NDST3: variants seen among roughly 807,000 people sequenced by gnomAD.
The protein encoded by NDST3 is bifunctional heparan sulfate N-deacetylase/N-sulfotransferase 3.
In NDST3, 58 loss-of-function variants were observed where a neutral mutation model predicts 96.1. The ratio of observed to expected loss-of-function variants is 0.60; its 90% confidence interval spans 0.49 to 0.75. The LOEUF (loss-of-function observed/expected upper bound fraction) is 0.75, where lower values mean the gene tolerates loss of function less well. NDST3 is among the 30% of genes least tolerant of loss of function. NDST3 has a pLI of 0.00. For missense variants in NDST3, 788 were observed against 1,034.2 expected, an observed-to-expected ratio of 0.76 and a Z score of 3.27; for synonymous variants, 333 against 359.7, an observed-to-expected ratio of 0.93 and a Z score of 0.84.
rs150728350 is a variant in NDST3, at chr4:118,238,112, T to C, written c.2118+892T>C. On this transcript the variant is annotated intron_variant, in intron 10 of 13. Transcript: ENST00000296499. ...GCATGTACTGTGCAGAGGGAGACTC[T>C]GTCAAAAGAAGAGAGAGAGAGAGAG... Among the ~76,000 whole-genome samples the C allele has an allele frequency of 2.4e-3, 312 of 129,936 alleles. 1 individual carries two copies. The Middle Eastern group carries it at 0.025, about 11-fold the overall frequency. The allele number at this position is 129,936 out of a possible 152,430, so 85.2% of individuals were successfully genotyped here.
rs566103491 is a variant in NDST3 at position 118,064,860 on chromosome 4, C to G, written c.981+9969C>G. Among the ~76,000 whole-genome samples the G allele has an allele frequency of 1.0e-3, 154 of 152,240 alleles. 1 individual carries two copies. Among genetic ancestry groups the G allele is most frequent in the Non-Finnish European group, 1.7e-3 (113 of 68,030 alleles). The stretch of plus-strand genomic sequence containing the variant: ...CTTTCTGGAGGCTCTAGGGGAGAAC[C>G]CATCACCTTGCTTTTTCCATCTTCT... On this transcript the variant is annotated intron_variant, in intron 2 of 13. Coordinates refer to ENST00000296499, the MANE Select transcript of NDST3 (RefSeq NM_004784.3).
chr4:118,085,138 A>AACG (rs2125823152), intron 2 of NDST3, among the ~76,000 whole-genome samples: 1 of 151,758 alleles, frequency 6.6e-6, no homozygotes, highest in Admixed American at 6.6e-5. Flanking sequence ...CAACAACAAC[A>AACG]ACAACTGGAA....
intron 2 of NDST3, among the ~76,000 whole-genome samples, chr4:118,085,601 T>C (rs1045003894): frequency 2.6e-5 from 4 of 152,206 alleles, no homozygotes; most frequent in Non-Finnish European, 5.9e-5. Context: ...CTCCAACCCT[T>C]GTTCAAGTTG....
chr4:118,189,199 G>A (rs1030641471), intron 6 of NDST3, among the ~76,000 whole-genome samples: 3 of 151,982 alleles, frequency 2.0e-5, no homozygotes, highest in Non-Finnish European at 4.4e-5. Flanking sequence ...ACAGGTACAC[G>A]CCAGCATGCC....
chr4:118,238,148 A>G (rs1221587106), intron 10 of NDST3, among the ~76,000 whole-genome samples: 10 of 69,926 alleles, frequency 1.4e-4, no homozygotes, highest in Non-Finnish European at 2.3e-4. Context: ...AGAGAGAGAA[A>G]AGAAAGAAAA....
chr4:118,177,608 A>G (rs1240462270), intron 6 of NDST3, among the ~76,000 whole-genome samples: 1 of 152,060 alleles, frequency 6.6e-6, no homozygotes, highest in African/African-American at 2.4e-5. Flanking sequence ...ATGGAGCCAG[A>G]CATATTTTAA....
chr4:118,068,073 T>C (rs550596007), intron 2 of NDST3, among the ~76,000 whole-genome samples: 1 of 152,014 alleles, frequency 6.6e-6, no homozygotes. Flanking sequence ...TCTATTGTAA[T>C]TGAATGTCTC....
intron 12 of NDST3, among the ~76,000 whole-genome samples, chr4:118,244,371 A>G (rs1741181794): frequency 6.6e-6 from 1 of 152,244 alleles, no homozygotes; most frequent in South Asian, 2.1e-4. Flanking sequence ...TACAAAATAT[A>G]TATCGTCAGA....
At chr4:118,136,313 C>A (rs1427376766) in intron 4 of NDST3, among the ~76,000 whole-genome samples, 4 of 152,136 alleles carry the variant, frequency 2.6e-5, no homozygotes, top group Admixed American at 1.3e-4. Context: ...TACTTCAGCA[C>A]ATTTTTTAAA....
chr4:118,125,966 T>C (rs1182782116), intron 4 of NDST3, among the ~76,000 whole-genome samples: 1 of 151,990 alleles, frequency 6.6e-6, no homozygotes, highest in Admixed American at 6.6e-5. Context: ...TTTACATATA[T>C]TGGGCCACTC....
At chr4:118,162,096 A>C (rs182266398) in intron 6 of NDST3, among the ~76,000 whole-genome samples, 35 of 152,308 alleles carry the variant, frequency 2.3e-4, no homozygotes, top group African/African-American at 7.9e-4. Context: ...CAGTGAAATA[A>C]AAGAGGATAC....
At chr4:118,099,344 G>A (rs902087894) in intron 2 of NDST3, among the ~76,000 whole-genome samples, 1 of 152,090 alleles carries the variant, frequency 6.6e-6, no homozygotes, top group South Asian at 2.1e-4. Context: ...TAACAAGAGC[G>A]AAGATAATCT....
Position 118,067,430 on chromosome 4 carries a change from TCTAA to T in NDST3, c.981+12542_981+12545del, listed in dbSNP as rs559505896. 4.4e-3 allele frequency among the ~76,000 whole-genome samples: 675 copies of T among 152,172 alleles called. 7 individuals are homozygous for T. Among genetic ancestry groups the T allele is most frequent in the Non-Finnish European group, 6.5e-3 (441 of 67,976 alleles). ...TGTGATACAGGGACACTGTCATTGCTCTAACTGAGGGGCAAATGAACAATGGAAA... is the reference window on the plus strand; with the variant it reads ...TGTGATACAGGGACACTGTCATTGCTCTGAGGGGCAAATGAACAATGGAAA... On this transcript the variant is annotated intron_variant, in intron 2 of 13. Transcript: ENST00000296499.
chr4:118,109,415 C>T lies in NDST3; in HGVS notation c.1069+4310C>T, dbSNP rs554587942. The stretch of plus-strand genomic sequence containing the variant: ...TCCTGGCAACTCCATTATTTTTTTG[C>T]CCATCGTTGAATACTGGGGAATGAT... On this transcript the variant is annotated intron_variant, in intron 3 of 13. Transcript: ENST00000296499. Among the ~76,000 whole-genome samples, 3 of 152,172 alleles carry T rather than the reference C, an allele frequency of 2.0e-5. No individual in the cohort carries two copies. In the South Asian group the frequency reaches 6.2e-4, roughly 32 times the overall value.
At chr4:118,122,212 G>T (rs1731648028) in intron 4 of NDST3, among the ~76,000 whole-genome samples, 1 of 152,138 alleles carries the variant, frequency 6.6e-6, no homozygotes, top group Admixed American at 6.5e-5. Context: ...CATACTAGTG[G>T]GCTGGAGTCA....
At chr4:118,084,089 G>A (rs756369759) in intron 2 of NDST3, among the ~76,000 whole-genome samples, 1 of 152,146 alleles carries the variant, frequency 6.6e-6, no homozygotes, top group African/African-American at 2.4e-5. Flanking sequence ...ATGTAATTCA[G>A]AGGATACAAA....
chr4:118,053,884 G>A lies in NDST3; in HGVS notation c.-27G>A. 1 of 1,550,972 alleles carries A rather than the reference G, an allele frequency of 6.4e-7. No homozygotes were observed. Among genetic ancestry groups the A allele is most frequent in the Non-Finnish European group, 8.7e-7 (1 of 1,151,194 alleles). ...TTTAACTTTTTATGGTGCTTCTGTT[G>A]GCATAGTTGGGGAAAGCACCTACAA... On this transcript the variant is annotated 5_prime_UTR_variant, in exon 2 of 14. Coordinates refer to ENST00000296499, the MANE Select transcript of NDST3 (RefSeq NM_004784.3).
chr4:118,238,768 T>C (rs1740841870), intron 10 of NDST3, among the ~76,000 whole-genome samples: 1 of 152,238 alleles, frequency 6.6e-6, no homozygotes, highest in Non-Finnish European at 1.5e-5. Flanking sequence ...AATAAGCGAC[T>C]GACATACAGA....
chr4:118,194,455 C>G (rs1737531939), intron 6 of NDST3: 1 of 731,434 alleles, frequency 1.4e-6, no homozygotes, highest in South Asian at 1.4e-5. Flanking sequence ...GGCACACCTC[C>G]CCTGCCTTCA....
Sources: gnomAD v4.1 joint callset for allele counts (sites outside exome capture counted in the v4.1 genomes callset) on GRCh38, gnomAD v4.1.1 for gene constraint, MANE v1.5 for transcripts, NCBI Gene and HGNC (gene_info 2026-07-23, HGNC 2026-07-21) for gene names.